The following RALYL variants were observed in gnomAD, a reference collection of about 807,000 sequenced individuals.
RALYL encodes the protein RNA-binding Raly-like protein.
Under a neutral mutation model 35.1 loss-of-function variants are expected in RALYL, and 29 were observed. The ratio of observed to expected loss-of-function variants is 0.83; its 90% CI spans 0.61 to 1.13. The LOEUF (loss-of-function observed/expected upper bound fraction) is 1.13. Ranked by LOEUF, RALYL falls within the 50% of genes most tolerant of loss-of-function variation. The pLI is 0.00. For synonymous variants in RALYL, 120 were observed against 127.6 expected, an observed-to-expected ratio of 0.94 and a Z score of 0.40; for missense variants, 359 against 360.4, an observed-to-expected ratio of 1.00 and a Z score of 0.03.
At chr8:84,481,977 G>A (rs1289793017) in intron 1 of RALYL, among the ~76,000 whole-genome samples, 1 of 152,056 alleles carries the variant, frequency 6.6e-6, no homozygotes, top group African/African-American at 2.4e-5. Context: ...TACCTCATTT[G>A]TAAAAGAGAA....
intron 1 of RALYL, among the ~76,000 whole-genome samples, chr8:84,301,223 C>T (rs537586360): frequency 1.3e-5 from 2 of 152,128 alleles, no homozygotes; most frequent in South Asian, 2.1e-4. Flanking sequence ...TTTCTTCTCA[C>T]TTGTAGGATT....
chr8:84,603,321 T>C (rs1816387702), intron 2 of RALYL, among the ~76,000 whole-genome samples: 2 of 152,126 alleles, frequency 1.3e-5, no homozygotes. Flanking sequence ...GTTGTTATTA[T>C]TGTTACTTTA....
intron 1 of RALYL, among the ~76,000 whole-genome samples, chr8:84,508,460 T>C (rs2057352859): frequency 6.6e-6 from 1 of 152,150 alleles, no homozygotes; most frequent in Admixed American, 6.6e-5. Flanking sequence ...ACAAGTTCCA[T>C]CTACTTCACG....
At position 84,406,154 on chromosome 8, in the gene RALYL, T is replaced by C. The variant is rs73304318; in HGVS notation, c.-23-123145T>C. ...AGTATTTTATTTAAGTAAGGAACTG[T>C]TATATGTATGCTTACATTTCCTAAG... is the stretch of plus-strand genomic sequence containing the variant. On this transcript the variant is annotated intron_variant, in intron 1 of 8. Coordinates refer to ENST00000521268, the MANE Select transcript of RALYL (RefSeq NM_173848.7). 4.0e-3 allele frequency among the ~76,000 whole-genome samples: 609 copies of C among 152,178 alleles called. 6 individuals are homozygous for C. Among genetic ancestry groups the C allele is most frequent in the African/African-American group, 0.014 (579 of 41,536 alleles).
chr8:84,184,797 G>A (rs188994415), intron 1 of RALYL: 40 of 610,132 alleles, frequency 6.6e-5, no homozygotes, highest in Admixed American at 2.0e-4. Context: ...CAGGAGGGGC[G>A]AGGGCCGTGT....
intron 8 of RALYL, among the ~76,000 whole-genome samples, chr8:84,893,433 C>A (rs1844209948): frequency 1.3e-5 from 2 of 152,164 alleles, no homozygotes; most frequent in African/African-American, 4.8e-5. Context: ...AAAATAACAT[C>A]ATCCAAAATT....
intron 1 of RALYL, among the ~76,000 whole-genome samples, chr8:84,467,533 T>C (rs2051890525): frequency 6.7e-6 from 1 of 149,642 alleles, no homozygotes; most frequent in Middle Eastern, 3.6e-3. Context: ...TCTGTTCTTT[T>C]ACATTTGCTG....
intron 2 of RALYL, among the ~76,000 whole-genome samples, chr8:84,729,886 T>C (rs1331103710): frequency 6.6e-6 from 1 of 152,182 alleles, no homozygotes; most frequent in Non-Finnish European, 1.5e-5. Flanking sequence ...ATTGTGGCAA[T>C]AATCAATCGC....
chr8:84,819,684 CA>C (rs1213559925), intron 4 of RALYL, among the ~76,000 whole-genome samples: 9 of 152,044 alleles, frequency 5.9e-5, no homozygotes, highest in Admixed American at 3.3e-4. Flanking sequence ...ATTTCTTCAG[CA>C]AAATGTTCTC....
intron 2 of RALYL, among the ~76,000 whole-genome samples, chr8:84,664,426 A>G (rs1485406731): frequency 6.6e-6 from 1 of 151,886 alleles, no homozygotes; most frequent in Non-Finnish European, 1.5e-5. Context: ...CTTGGACAGT[A>G]TGACTATTTT....
chr8:84,325,078 C>T (rs987380921), intron 1 of RALYL, among the ~76,000 whole-genome samples: 2 of 152,016 alleles, frequency 1.3e-5, no homozygotes, highest in Non-Finnish European at 2.9e-5. Flanking sequence ...AAAAGAAGTT[C>T]CATTTCCCTT....
chr8:84,588,891 C>A (rs777260645), intron 2 of RALYL, among the ~76,000 whole-genome samples: 6 of 145,792 alleles, frequency 4.1e-5, no homozygotes, highest in Middle Eastern at 3.2e-3. Context: ...CCCCTGTCTC[C>A]CAACATAGGA....
At chr8:84,819,080 A>G (rs561058930) in intron 4 of RALYL, among the ~76,000 whole-genome samples, 27 of 152,242 alleles carry the variant, frequency 1.8e-4, no homozygotes, top group African/African-American at 6.5e-4. Context: ...GTCTGCAGGG[A>G]AAAAGGGATA....
rs73301215 is a variant in RALYL, at chr8:84,866,662, T to C, written c.571+4209T>C. Among the ~76,000 whole-genome samples the C allele has an allele frequency of 5.3e-3, 805 of 152,254 alleles. 4 individuals carry two copies. Among genetic ancestry groups the C allele is most frequent in the African/African-American group, 0.018 (767 of 41,546 alleles). On this transcript the variant is annotated intron_variant, in intron 6 of 8. Transcript: ENST00000521268. Reference sequence around the variant, plus strand: ...TGAGGATTGAATGAGCCAGCACATGTAGAGCTCTTAGAACAGTGTCGGCTA... The same window carrying C: ...TGAGGATTGAATGAGCCAGCACATGCAGAGCTCTTAGAACAGTGTCGGCTA...
At chr8:84,845,782 T>TA (rs1834515650) in intron 4 of RALYL, among the ~76,000 whole-genome samples, 1 of 152,216 alleles carries the variant, frequency 6.6e-6, no homozygotes, top group Non-Finnish European at 1.5e-5. Context: ...TTTGAGGTCT[T>TA]ACATTTAAAT....
At chr8:84,735,010 T>C (rs1288864320) in intron 2 of RALYL, among the ~76,000 whole-genome samples, 2 of 80,410 alleles carry the variant, frequency 2.5e-5, no homozygotes, top group Non-Finnish European at 5.2e-5. Flanking sequence ...TATGTTTGTG[T>C]GTGTGTGTGT....
intron 1 of RALYL, among the ~76,000 whole-genome samples, chr8:84,326,841 A>G (rs1845889688): frequency 6.6e-6 from 1 of 152,134 alleles, no homozygotes; most frequent in Non-Finnish European, 1.5e-5. Flanking sequence ...TTGTGTCTCA[A>G]TCTCATGGGA....
chr8:84,825,840 C>T (rs10094046), intron 4 of RALYL, among the ~76,000 whole-genome samples: 15,305 of 152,090 alleles, frequency 0.1, 1,142 homozygotes, highest in Non-Finnish European at 0.14. Flanking sequence ...TGCACTCAGC[C>T]TGGGAAATAA....
intron 2 of RALYL, among the ~76,000 whole-genome samples, chr8:84,662,087 G>C (rs568656376): frequency 6.6e-6 from 1 of 152,036 alleles, no homozygotes; most frequent in South Asian, 2.1e-4. Flanking sequence ...GCTATTCAAC[G>C]TGTGACCTCT....
Sources: allele counts gnomAD v4.1 joint callset (sites outside exome capture counted in the v4.1 genomes callset), GRCh38; gene constraint gnomAD v4.1.1; transcripts MANE v1.5; gene names NCBI Gene and HGNC (gene_info 2026-07-23, HGNC 2026-07-21).